SPATA17: variants seen among roughly 807,000 people sequenced by gnomAD.
SPATA17 encodes the protein spermatogenesis associated 17.
In SPATA17, 53 loss-of-function variants were observed where a neutral mutation model predicts 62.2. The ratio of observed to expected loss-of-function variants is 0.85; its 90% CI spans 0.68 to 1.07. SPATA17 has a LOEUF of 1.07. SPATA17 is among the 50% of genes least tolerant of loss of function. The probability of loss-of-function intolerance (pLI) is 0.00; values close to 1 mark genes in which losing one functional copy is unlikely to be tolerated. For missense variants in SPATA17, 466 were observed against 425.5 expected (o/e 1.10, Z -0.84); for synonymous variants, 146 against 146.8 (o/e 0.99, Z 0.04).
rs189051740 is a variant in SPATA17 at position 217,635,696 on chromosome 1, T to C, written c.68+4250T>C. Among the ~76,000 whole-genome samples, 1,291 of 151,150 alleles carry C rather than the reference T, an allele frequency of 8.5e-3. 11 individuals are homozygous for C. Among genetic ancestry groups the C allele is most frequent in the Non-Finnish European group, 0.012 (783 of 67,790 alleles). The stretch of plus-strand genomic sequence containing the variant: ...TCCAGCCTGGGCAACAGAGCAAGAC[T>C]CAAATTCTGATTGGCAAGTGGTTGA... On this transcript the variant is annotated intron_variant, in intron 1 of 10. Transcript: ENST00000366933.
chr1:217,632,303 GTCT>G (rs1465817667), intron 1 of SPATA17, among the ~76,000 whole-genome samples: 1 of 152,140 alleles, frequency 6.6e-6, no homozygotes, highest in East Asian at 1.9e-4. Flanking sequence ...ACCACTAGCA[GTCT>G]TCTTCATCTC....
At chr1:217,688,184 G>A (rs1671265109) in intron 5 of SPATA17, among the ~76,000 whole-genome samples, 1 of 152,136 alleles carries the variant, frequency 6.6e-6, no homozygotes, top group African/African-American at 2.4e-5. Flanking sequence ...GAGCCCAGGA[G>A]TGTGATTGTA....
chr1:217,818,085 G>A (rs1241785667), intron 9 of SPATA17, among the ~76,000 whole-genome samples: 1 of 151,996 alleles, frequency 6.6e-6, no homozygotes, highest in Non-Finnish European at 1.5e-5. Context: ...TTAGAAAAGA[G>A]AGAAGCAAAT....
At chr1:217,732,672 G>C (rs971284248) in intron 5 of SPATA17, among the ~76,000 whole-genome samples, 1 of 152,082 alleles carries the variant, frequency 6.6e-6, no homozygotes, top group Admixed American at 6.6e-5. Flanking sequence ...GTCACAATCT[G>C]TAAAGTCATT....
chr1:217,789,462 G>A (rs796122505), intron 8 of SPATA17, among the ~76,000 whole-genome samples: 12 of 152,290 alleles, frequency 7.9e-5, no homozygotes, highest in African/African-American at 2.9e-4. Flanking sequence ...GTGACAGAAA[G>A]GAAGGTGTTT....
chr1:217,766,725 T>C (rs12566770), intron 6 of SPATA17, among the ~76,000 whole-genome samples: 1,733 of 102,472 alleles, frequency 0.017, 29 homozygotes, highest in African/African-American at 0.062. Flanking sequence ...GTTCTCTTTT[T>C]TTTTTTTTTT....
At chr1:217,696,552 T>C (rs1474480388) in intron 5 of SPATA17, among the ~76,000 whole-genome samples, 2 of 152,228 alleles carry the variant, frequency 1.3e-5, no homozygotes, top group Admixed American at 1.3e-4. Flanking sequence ...TTTTTAAAAT[T>C]TGCCTAATCA....
chr1:217,705,862 T>C (rs561273846), intron 5 of SPATA17, among the ~76,000 whole-genome samples: 2 of 152,362 alleles, frequency 1.3e-5, no homozygotes, highest in South Asian at 4.1e-4. Flanking sequence ...GTTTTAGGTT[T>C]TACATTTAAG....
At chr1:217,702,291 CA>C (rs1671616042) in intron 5 of SPATA17, among the ~76,000 whole-genome samples, 1 of 151,952 alleles carries the variant, frequency 6.6e-6, no homozygotes, top group Non-Finnish European at 1.5e-5. Flanking sequence ...TATGGGTCAC[CA>C]CTAATGTCTA....
intron 9 of SPATA17, among the ~76,000 whole-genome samples, chr1:217,849,876 G>A (rs1232502751): frequency 6.6e-6 from 1 of 152,066 alleles, no homozygotes; most frequent in Non-Finnish European, 1.5e-5. Context: ...AATGCCTGAC[G>A]GTTTCTGGGT....
chr1:217,770,053 C>T (rs1673400401), intron 6 of SPATA17, among the ~76,000 whole-genome samples: 1 of 151,656 alleles, frequency 6.6e-6, no homozygotes, highest in Non-Finnish European at 1.5e-5. Flanking sequence ...GCAGTCCCTA[C>T]CCTAGCAAAT....
intron 9 of SPATA17, among the ~76,000 whole-genome samples, chr1:217,820,491 A>G (rs1305009055): frequency 1.3e-5 from 2 of 151,772 alleles, no homozygotes; most frequent in Non-Finnish European, 2.9e-5. Context: ...TGGATTGAGT[A>G]TGATGTTTTC....
intron 4 of SPATA17, among the ~76,000 whole-genome samples, chr1:217,682,033 G>A (rs537883256): frequency 5.9e-5 from 9 of 152,136 alleles, no homozygotes; most frequent in South Asian, 2.1e-4. Flanking sequence ...TTTATGATAC[G>A]TGAGTCATTC....
chr1:217,745,525 G>A (rs1672727358), intron 6 of SPATA17, among the ~76,000 whole-genome samples: 1 of 151,988 alleles, frequency 6.6e-6, no homozygotes, highest in Non-Finnish European at 1.5e-5. Context: ...TTAAAAAGTT[G>A]AATTTTAAAA....
intron 3 of SPATA17, among the ~76,000 whole-genome samples, chr1:217,656,936 G>A (rs1227345036): frequency 6.6e-6 from 1 of 152,140 alleles, no homozygotes; most frequent in Non-Finnish European, 1.5e-5. Flanking sequence ...TGAGCTGGTA[G>A]GCAATTCAAT....
At chr1:217,860,497 A>G (rs1456545278) in intron 9 of SPATA17, among the ~76,000 whole-genome samples, 1 of 152,214 alleles carries the variant, frequency 6.6e-6, no homozygotes, top group African/African-American at 2.4e-5. Context: ...GTCTCCAACT[A>G]CAATAATGAA....
chr1:217,736,621 A>C (rs984809578), intron 5 of SPATA17, among the ~76,000 whole-genome samples: 2 of 152,162 alleles, frequency 1.3e-5, no homozygotes, highest in Non-Finnish European at 2.9e-5. Context: ...TTGTGACTGA[A>C]GCATAGTGAT....
intron 1 of SPATA17, among the ~76,000 whole-genome samples, chr1:217,645,159 G>C (rs1422798639): frequency 3.3e-5 from 5 of 151,972 alleles, no homozygotes; most frequent in African/African-American, 1.2e-4. Flanking sequence ...TTAATTTTTA[G>C]TGCCTCCTTC....
intron 5 of SPATA17, among the ~76,000 whole-genome samples, chr1:217,685,016 G>GGGGACTGCTGTTTAATTTCTTCTA (rs1671185432): frequency 6.6e-6 from 1 of 152,030 alleles, no homozygotes; most frequent in Non-Finnish European, 1.5e-5. Context: ...GTGAATCATA[G>GGGGACTGCTGTTTAATTTCTTCTA]GGGACTGCTG....
Sources: allele counts gnomAD v4.1 joint callset (sites outside exome capture counted in the v4.1 genomes callset), GRCh38; gene constraint gnomAD v4.1.1; transcripts MANE v1.5; gene names NCBI Gene and HGNC (gene_info 2026-07-23, HGNC 2026-07-21).